Variants in DSCAM observed in about 807,000 individuals in gnomAD.
DSCAM encodes cell adhesion molecule DSCAM.
A neutral mutation model predicts 217.7 loss-of-function variants in DSCAM; 47 were observed. The observed-to-expected ratio is 0.22, with a 90% CI of 0.17 to 0.28. The LOEUF is 0.28. Among genes scored for constraint, DSCAM ranks in the 10% least tolerant of loss-of-function variants. DSCAM has a pLI of 1.00. For synonymous variants in DSCAM, 1,056 were observed against 1,015.3 expected (o/e 1.04, Z -0.76); for missense variants, 2,080 against 2,618.3 (o/e 0.79, Z 4.49).
intron 3 of DSCAM, among the ~76,000 whole-genome samples, chr21:40,515,886 C>T (rs1297106011): frequency 6.6e-6 from 1 of 151,954 alleles, no homozygotes; most frequent in Admixed American, 6.6e-5. Context: ...TTGTTATGAC[C>T]CACATTCTTG....
intron 3 of DSCAM, among the ~76,000 whole-genome samples, chr21:40,554,916 T>C (rs757310294): frequency 6.6e-5 from 10 of 152,206 alleles, no homozygotes; most frequent in Non-Finnish European, 1.2e-4. Flanking sequence ...CCCCATTACA[T>C]TGTGAGCCCC....
intron 3 of DSCAM, among the ~76,000 whole-genome samples, chr21:40,510,215 G>C (rs993784930): frequency 6.6e-6 from 1 of 151,776 alleles, no homozygotes. Context: ...GTATAGCCAG[G>C]TCCAATATAG....
At chr21:40,684,955 G>A (rs1024593943) in intron 3 of DSCAM, among the ~76,000 whole-genome samples, 1 of 152,310 alleles carries the variant, frequency 6.6e-6, no homozygotes, top group East Asian at 1.9e-4. Context: ...AGAGAAAGCA[G>A]AAGATCCTTA....
chr21:40,306,179 T>C (rs2074073730), intron 9 of DSCAM, among the ~76,000 whole-genome samples: 1 of 150,042 alleles, frequency 6.7e-6, no homozygotes. Flanking sequence ...GTTGGATTCC[T>C]AGGTATTTTA....
At position 40,118,586 on chromosome 21, in the gene DSCAM, AAAAC is replaced by A. The variant is rs545538006; in HGVS notation, c.3696+5605_3696+5608del. 3.3e-3 allele frequency among the ~76,000 whole-genome samples: 503 copies of A among 152,302 alleles called. 2 individuals carry two copies. Among genetic ancestry groups the A allele is most frequent in the African/African-American group, 0.011 (467 of 41,564 alleles). On this transcript the variant is annotated intron_variant, in intron 20 of 32. Coordinates refer to ENST00000400454, the MANE Select transcript of DSCAM (RefSeq NM_001389.5). ...TGGCGACAGAGTGAAACTCCGTCTC[AAAAC>A]AAACAAACAACAAAAAAGACATTGC...
intron 1 of DSCAM, among the ~76,000 whole-genome samples, chr21:40,818,886 C>T (rs2091905225): frequency 6.6e-6 from 1 of 152,140 alleles, no homozygotes; most frequent in South Asian, 2.1e-4. Context: ...AAAATAACCA[C>T]ATAATTATTT....
intron 5 of DSCAM, among the ~76,000 whole-genome samples, chr21:40,350,287 G>A (rs1458662644): frequency 6.6e-6 from 1 of 152,094 alleles, no homozygotes; most frequent in Non-Finnish European, 1.5e-5. Flanking sequence ...ATTGACAAAT[G>A]GGATCTAATT....
intron 11 of DSCAM, chr21:40,212,457 C>T (rs2091195024): frequency 1.3e-5 from 2 of 154,160 alleles, no homozygotes; most frequent in African/African-American, 4.8e-5. Flanking sequence ...CTTACCTCTG[C>T]AGTCTAGTTG....
intron 1 of DSCAM, among the ~76,000 whole-genome samples, chr21:40,759,546 C>A (rs764059418): frequency 1.3e-5 from 2 of 152,208 alleles, no homozygotes; most frequent in African/African-American, 4.8e-5. Flanking sequence ...ATCTCTCTGT[C>A]CCCCAGTCAA....
intron 3 of DSCAM, among the ~76,000 whole-genome samples, chr21:40,533,600 T>G (rs1028132048): frequency 1.2e-4 from 14 of 120,646 alleles, no homozygotes; most frequent in Non-Finnish European, 1.9e-4. Context: ...CATCCACCTG[T>G]CTGTCCATCC....
At chr21:40,689,741 T>C (rs28699452) in intron 3 of DSCAM, among the ~76,000 whole-genome samples, 28,586 of 152,154 alleles carry the variant, frequency 0.19, 3,549 homozygotes, top group African/African-American at 0.36. Flanking sequence ...GAGATGGCCA[T>C]GCCAAGGAAT....
At chr21:40,418,497 G>A (rs2123812697) in intron 3 of DSCAM, among the ~76,000 whole-genome samples, 1 of 152,296 alleles carries the variant, frequency 6.6e-6, no homozygotes, top group Non-Finnish European at 1.5e-5. Flanking sequence ...TAGGTTATGT[G>A]AGGTGAAGAT....
At chr21:40,758,440 C>T (rs1442755913) in intron 1 of DSCAM, among the ~76,000 whole-genome samples, 2 of 145,658 alleles carry the variant, frequency 1.4e-5, no homozygotes, top group African/African-American at 5.1e-5. Context: ...TGGCGTGAAC[C>T]CGGGAGACGG....
At chr21:40,778,197 A>C (rs2091506163) in intron 1 of DSCAM, among the ~76,000 whole-genome samples, 1 of 152,234 alleles carries the variant, frequency 6.6e-6, no homozygotes, top group Non-Finnish European at 1.5e-5. Context: ...TTGGGATCCA[A>C]GTAAGAATGA....
chr21:40,231,429 G>A (rs535237257), intron 11 of DSCAM, among the ~76,000 whole-genome samples: 3 of 152,028 alleles, frequency 2.0e-5, no homozygotes, highest in South Asian at 2.1e-4. Flanking sequence ...CTAGATTTCC[G>A]GGTGAGAGTT....
At chr21:40,071,844 C>T (rs1468092705) in intron 27 of DSCAM, among the ~76,000 whole-genome samples, 2 of 152,192 alleles carry the variant, frequency 1.3e-5, no homozygotes, top group Non-Finnish European at 2.9e-5. Flanking sequence ...AGACAGGCAC[C>T]TATTCCTTTA....
intron 3 of DSCAM, among the ~76,000 whole-genome samples, chr21:40,373,542 G>T (rs1180030469): frequency 6.6e-6 from 1 of 152,134 alleles, no homozygotes; most frequent in African/African-American, 2.4e-5. Flanking sequence ...GGATGAAGGG[G>T]CTACTGATAC....
At chr21:40,632,909 A>G (rs1000565282) in intron 3 of DSCAM, among the ~76,000 whole-genome samples, 1 of 152,162 alleles carries the variant, frequency 6.6e-6, no homozygotes, top group Non-Finnish European at 1.5e-5. Flanking sequence ...CATCACTTTA[A>G]GCACCAACAC....
At chr21:40,259,451 G>A (rs1036314523) in intron 11 of DSCAM, among the ~76,000 whole-genome samples, 3 of 152,034 alleles carry the variant, frequency 2.0e-5, no homozygotes, top group African/African-American at 7.2e-5. Context: ...TAAGGGGCAA[G>A]AAGCTAGACA....
Sources: gnomAD v4.1 joint callset for allele counts (sites outside exome capture counted in the v4.1 genomes callset) on GRCh38, gnomAD v4.1.1 for gene constraint, MANE v1.5 for transcripts, NCBI Gene and HGNC (gene_info 2026-07-23, HGNC 2026-07-21) for gene names.